CDHR2: variants seen among roughly 807,000 people sequenced by gnomAD.
CDHR2 encodes the protein cadherin related family member 2.
A neutral mutation model predicts 138.6 loss-of-function variants in CDHR2; 104 were observed. The observed-to-expected ratio is 0.75, with a 90% CI of 0.64 to 0.88. The LOEUF (loss-of-function observed/expected upper bound fraction) is 0.88, where lower values mean the gene tolerates loss of function less well. CDHR2 is among the 40% of genes least tolerant of loss of function. The pLI is 0.00. For missense variants in CDHR2, 1,624 were observed against 1,727.6 expected (o/e 0.94, Z 1.06); for synonymous variants, 755 against 742.8 (o/e 1.02, Z -0.27).
intron 31 of CDHR2, 32 bp downstream of exon 31, chr5:176,592,812 T>G: frequency 6.3e-7 from 1 of 1,599,610 alleles, no homozygotes. Context: ...TGCCTGGAGG[T>G]TCCAACTTGG....
At chr5:176,595,893 C>T (rs1015408059), downstream of CDHR2, 1 of 434,232 alleles carries the variant, frequency 2.3e-6, no homozygotes, top group Non-Finnish European at 4.0e-6. Context: ...TGAGTGGTCA[C>T]AAGGGACTTG....
chr5:176,564,914 T>C (rs1758044524), intron 1 of CDHR2, among the ~76,000 whole-genome samples: 1 of 152,096 alleles, frequency 6.6e-6, no homozygotes, highest in African/African-American at 2.4e-5. Context: ...AACAGGCAGG[T>C]ATAGATGGTG....
rs1423170637 is a variant in CDHR2 at position 176,565,687 on chromosome 5, C to T, written c.68C>T (p.Ala23Val). 2 of 1,613,690 alleles carry T rather than the reference C, an allele frequency of 1.2e-6. No homozygotes were observed. The highest frequency in any genetic ancestry group is 2.7e-5 in the African/African-American group (2 of 74,872). ...ALVVSVAANV[A>V]PKFLANMTSV... is the part of the protein sequence containing the mutation. The stretch of plus-strand genomic sequence containing the variant: ...GTCCCTACAGTGGCAGCCAACGTGG[C>T]CCCGAAGTTCCTAGCCAACATGACG... Residue 23 changes from alanine (A) to valine (V), a missense_variant, in exon 3 of 32, where the codon GCC becomes GTC. By Grantham distance (64) the Ala-to-Val change is moderately conservative. Transcript: ENST00000261944.
rs938727126 is a variant in CDHR2, at chr5:176,586,903, C to G, written c.2856+61C>G. 10 of 1,377,276 alleles carry G rather than the reference C, an allele frequency of 7.3e-6. No individual in the cohort carries two copies. In the African/African-American group the frequency reaches 1.4e-4, roughly 20 times the overall value. The allele number at this position is 1,377,276 out of a possible 1,614,324, so 85.3% of individuals were successfully genotyped here. A position where few individuals can be genotyped will look rare whatever the true frequency, so the allele number is the denominator to read the frequency against. On this transcript the variant is annotated intron_variant, in intron 21 of 31. Transcript: ENST00000261944. ...AGCCCCAGGGGACACAGGGCTGAGG[C>G]CTTCAGGCCTTCCATGGTAGAAAGA...
At position 176,591,204 on chromosome 5, in the gene CDHR2, C is replaced by G. The variant is rs1414255031; in HGVS notation, c.3540-6C>G. ...ACAGTGTGACCCCTCTTCCGGTTCCCCACAGCTACAACCGGAAGCTTCAAG... is the reference window on the plus strand; with the variant it reads ...ACAGTGTGACCCCTCTTCCGGTTCCGCACAGCTACAACCGGAAGCTTCAAG... On this transcript the variant is annotated splice_polypyrimidine_tract_variant and splice_region_variant and intron_variant, in intron 28 of 31. Coordinates refer to ENST00000261944, the MANE Select transcript of CDHR2 (RefSeq NM_017675.6). 3.1e-6 allele frequency: 5 copies of G among 1,603,442 alleles called. No homozygotes were observed. In the Admixed American group the frequency reaches 5.0e-5, roughly 16 times the overall value.
intron 1 of CDHR2, among the ~76,000 whole-genome samples, chr5:176,555,888 A>G (rs12655834): frequency 0.95 from 145,374 of 152,252 alleles, 69,800 homozygotes; most frequent in East Asian, 1. Flanking sequence ...GAGACAGAGT[A>G]AGACTCCATC....
chr5:176,579,029 G>GCTGCAAATT (rs1758469386), intron 16 of CDHR2, among the ~76,000 whole-genome samples: 2 of 152,218 alleles, frequency 1.3e-5, no homozygotes, highest in South Asian at 4.1e-4. Flanking sequence ...CTTGGAGTGA[G>GCTGCAAATT]CTGCAAATTC....
chr5:176,574,137 G>A lies in CDHR2; in HGVS notation c.460G>A (p.Gly154Arg). Reference protein sequence around the residue: ...FSVLAVDKDMGSAGMVVYSIE... With the variant: ...FSVLAVDKDMRSAGMVVYSIE... ...CGTGCTGGCCGTGGATAAAGACATG[G>A]GGTCTGCAGGCATGGTCGTGTACTC... The change falls in exon 7 of 32, where the codon GGG becomes AGG. Residue 154 changes from glycine to arginine, a missense_variant. By Grantham distance (125) the Gly-to-Arg change is moderately radical. Around this residue, in one of 3 missense-constraint regions of CDHR2, gnomAD observed 1,061 missense variants for 1,136.6 expected, o/e 0.93. Coordinates refer to ENST00000261944, the MANE Select transcript of CDHR2 (RefSeq NM_017675.6). The A allele has an allele frequency of 6.2e-7, 1 of 1,614,054 alleles. No homozygotes were observed. The highest frequency in any genetic ancestry group is 8.5e-7 in the Non-Finnish European group (1 of 1,179,962).
Position 176,574,143 on chromosome 5 carries a change from G to T in CDHR2, c.466G>T (p.Ala156Ser), listed in dbSNP as rs745929407. 1.2e-6 allele frequency: 2 copies of T among 1,613,992 alleles called. No homozygotes were observed. Among genetic ancestry groups the T allele is most frequent in the Admixed American group, 1.7e-5 (1 of 60,014 alleles). ...VLAVDKDMGS[A>S]GMVVYSIEKV... ...GGCCGTGGATAAAGACATGGGGTCT[G>T]CAGGCATGGTCGTGTACTCCATAGA... The change falls in exon 7 of 32, where the codon GCA (alanine) becomes TCA (serine). Residue 156 changes from alanine (A) to serine (S), a missense_variant. Physicochemically the swap from Ala to Ser is moderately conservative, Grantham distance 99. Coordinates refer to ENST00000261944, the MANE Select transcript of CDHR2 (RefSeq NM_017675.6).
chr5:176,569,742 T>C (rs907188316), intron 5 of CDHR2, among the ~76,000 whole-genome samples: 7 of 152,104 alleles, frequency 4.6e-5, no homozygotes, highest in African/African-American at 1.7e-4. Flanking sequence ...GCAGATCACC[T>C]GAGGTCAGGG....
chr5:176,568,844 C>T (rs777859388), intron 4 of CDHR2, 27 bp downstream of exon 4: 7 of 1,613,076 alleles, frequency 4.3e-6, no homozygotes, highest in Admixed American at 3.3e-5. Flanking sequence ...GGAGAGGGCA[C>T]GGGACGCGGA....
At chr5:176,542,778 G>T (rs1757481662) in intron 1 of CDHR2, 1 of 152,314 alleles carries the variant, frequency 6.6e-6, no homozygotes, top group Non-Finnish European at 1.5e-5. Flanking sequence ...CAGTAAGGAC[G>T]GCGCTGAAGT....
intron 21 of CDHR2, among the ~76,000 whole-genome samples, chr5:176,587,237 C>T (rs1278490341): frequency 2.0e-5 from 3 of 152,240 alleles, no homozygotes; most frequent in Admixed American, 1.3e-4. Context: ...CACCTGAGGT[C>T]GGGAGTCTGC....
intron 1 of CDHR2, among the ~76,000 whole-genome samples, chr5:176,562,303 C>T (rs552691587): frequency 3.3e-5 from 5 of 151,916 alleles, no homozygotes; most frequent in South Asian, 4.2e-4. Flanking sequence ...CCAGGGAGGG[C>T]GGCCAGTATG....
chr5:176,551,134 G>A (rs2113248964), intron 1 of CDHR2, among the ~76,000 whole-genome samples: 1 of 152,182 alleles, frequency 6.6e-6, no homozygotes, highest in Admixed American at 6.5e-5. Context: ...TCAGCCTCCT[G>A]ACTAGCTAGG....
chr5:176,553,549 C>T lies in CDHR2; in HGVS notation c.-16+4135C>T, dbSNP rs1278799457. Reference sequence around the variant, plus strand: ...TTGTCCCGTGGCAGTTGACTCATTTCTGAAGGACAGAACATGAGAGAAAAA... The same window carrying T: ...TTGTCCCGTGGCAGTTGACTCATTTTTGAAGGACAGAACATGAGAGAAAAA... On this transcript the variant is annotated intron_variant, in intron 1 of 31. Transcript: ENST00000261944. This position sits in a 1 kb window ranked among gnomAD's most constrained non-coding sequence, Gnocchi z 4.3. Among the ~76,000 whole-genome samples the T allele has an allele frequency of 6.6e-6, 1 of 152,192 alleles. No homozygotes were observed. Among genetic ancestry groups the T allele is most frequent in the Non-Finnish European group, 1.5e-5 (1 of 68,024 alleles).
intron 5 of CDHR2, 127 bp from the exon 6 acceptor site, chr5:176,571,086 G>T (rs1184649177): frequency 5.3e-6 from 2 of 376,096 alleles, no homozygotes; most frequent in South Asian, 3.0e-5. Context: ...AAAACATATG[G>T]AGAGAAAGAG....
chr5:176,590,774 G>C, intron 28 of CDHR2, 87 bp downstream of exon 28: 1 of 1,573,194 alleles, frequency 6.4e-7, no homozygotes, highest in Non-Finnish European at 8.7e-7. Flanking sequence ...AGGAGCTGGG[G>C]CTTAGGCACA....
At chr5:176,549,163 C>T (rs1037808860), upstream of CDHR2, among the ~76,000 whole-genome samples, 1 of 152,214 alleles carries the variant, frequency 6.6e-6, no homozygotes, top group African/African-American at 2.4e-5. Flanking sequence ...GGGCCTCCAG[C>T]CCCAGGAGCG....
Sources: allele counts gnomAD v4.1 joint callset (sites outside exome capture counted in the v4.1 genomes callset), GRCh38; gene constraint gnomAD v4.1.1; regional missense constraint gnomAD v4.1.1; non-coding constraint Gnocchi (gnomAD v3.1); transcripts MANE v1.5; gene names NCBI Gene and HGNC (gene_info 2026-07-23, HGNC 2026-07-21).